Variants in RORA observed in about 807,000 individuals in gnomAD.
RORA encodes the protein RAR related orphan receptor A.
A neutral mutation model predicts 69.5 loss-of-function variants in RORA; 7 were observed. The ratio of observed to expected loss-of-function variants is 0.10; its 90% CI spans 0.06 to 0.19. RORA has a LOEUF of 0.19. Ranked by LOEUF, RORA falls within the 10% of genes least tolerant of loss-of-function variation. The probability of loss-of-function intolerance (pLI) is 1.00; values close to 1 mark genes in which losing one functional copy is unlikely to be tolerated. For synonymous variants in RORA, 261 were observed against 240.8 expected (o/e 1.08, Z -0.78); for missense variants, 457 against 663.0 (o/e 0.69, Z 3.41).
chr15:60,528,080 G>C (rs888618404), intron 3 of RORA: 2 of 152,358 alleles, frequency 1.3e-5, no homozygotes, highest in African/African-American at 4.8e-5. Flanking sequence ...TTTGAGACAG[G>C]GGTCTTGCTC....
intron 1 of RORA, among the ~76,000 whole-genome samples, chr15:60,779,394 A>T (rs553175442): frequency 3.9e-5 from 6 of 152,294 alleles, no homozygotes; most frequent in Admixed American, 3.3e-4. Context: ...TTAAATGCCC[A>T]GGGCAGTCTA....
intron 1 of RORA, among the ~76,000 whole-genome samples, chr15:60,685,500 G>T (rs1460842949): frequency 6.6e-6 from 1 of 152,170 alleles, no homozygotes; most frequent in East Asian, 1.9e-4. Context: ...GTTGTCCCAG[G>T]AGACTGCTCC....
intron 1 of RORA, among the ~76,000 whole-genome samples, chr15:60,877,518 A>T (rs530843221): frequency 6.6e-6 from 1 of 152,354 alleles, no homozygotes; most frequent in Non-Finnish European, 1.5e-5. Flanking sequence ...AAGATAACTT[A>T]ACTGATTTAG....
intron 1 of RORA, among the ~76,000 whole-genome samples, chr15:60,684,044 T>A (rs188271174): frequency 2.8e-4 from 43 of 152,270 alleles, no homozygotes; most frequent in African/African-American, 9.9e-4. Flanking sequence ...CTTCTAATTG[T>A]CTCTTGGTTT....
Position 60,516,087 on chromosome 15 carries a change from A to T in RORA, c.283-1330T>A, listed in dbSNP as rs867798920. Among the ~76,000 whole-genome samples, 5 of 64,598 alleles carry T rather than the reference A, an allele frequency of 7.7e-5. 1 individual carries two copies. Among genetic ancestry groups the T allele is most frequent in the African/African-American group, 2.3e-4 (4 of 17,518 alleles). The allele number at this position is 64,598 out of a possible 152,430, so 42.4% of individuals were successfully genotyped here. Reference sequence around the variant, plus strand: ...TATATTTATATATATTTATTTATATATATTTATATATATTTATATATTATA... The same window carrying T: ...TATATTTATATATATTTATTTATATTTATTTATATATATTTATATATTATA... On this transcript the variant is annotated intron_variant, in intron 3 of 10. Coordinates refer to ENST00000335670, the MANE Select transcript of RORA (RefSeq NM_134261.3).
intron 1 of RORA, among the ~76,000 whole-genome samples, chr15:60,801,318 C>A (rs2072578173): frequency 1.3e-5 from 2 of 152,226 alleles, no homozygotes; most frequent in Non-Finnish European, 2.9e-5. Flanking sequence ...ACCCTCCCTG[C>A]CCACAGGGCT....
intron 1 of RORA, among the ~76,000 whole-genome samples, chr15:60,799,389 C>G (rs895312009): frequency 5.3e-5 from 8 of 152,096 alleles, no homozygotes; most frequent in African/African-American, 1.9e-4. Context: ...AAGCAGTTTC[C>G]TTTTTATGGC....
intron 1 of RORA, among the ~76,000 whole-genome samples, chr15:60,809,621 C>T (rs2072712790): frequency 6.6e-6 from 1 of 152,136 alleles, no homozygotes; most frequent in Non-Finnish European, 1.5e-5. Flanking sequence ...ACTCCCACCC[C>T]CACCACACAC....
At chr15:61,072,127 A>G (rs1243519120) in intron 1 of RORA, among the ~76,000 whole-genome samples, 2 of 152,220 alleles carry the variant, frequency 1.3e-5, no homozygotes, top group Admixed American at 1.3e-4. Flanking sequence ...TGTGTTTACA[A>G]GAGCAAATTA....
rs548864002 is a variant in RORA, at chr15:61,180,769, AG to A, written c.166+48283del. The stretch of plus-strand genomic sequence containing the variant: ...TGCCCACTTTTGAGTTCCAGCACCT[AG>A]CACACTGCCAAACATGGCAGACACT... On this transcript the variant is annotated intron_variant, in intron 1 of 10. Transcript: ENST00000335670. Among the ~76,000 whole-genome samples the A allele has an allele frequency of 2.9e-3, 436 of 152,284 alleles. 3 individuals are homozygous for A. Among genetic ancestry groups the A allele is most frequent in the Admixed American group, 2.3e-3 (35 of 15,292 alleles).
chr15:60,658,087 C>CTT lies in RORA; in HGVS notation c.196+20568_196+20569dup, dbSNP rs57998167. 6.5e-3 allele frequency among the ~76,000 whole-genome samples: 947 copies of CTT among 146,266 alleles called. 40 individuals are homozygous for CTT. The East Asian group carries it at 0.084, about 13-fold the overall frequency. ...AGATTACATTTTTCTTTCTTTTTTT[C>CTT]TTTTTTTTTTGGAGATGGAGTCTTG... On this transcript the variant is annotated intron_variant, in intron 2 of 10. Transcript: ENST00000335670.
intron 1 of RORA, among the ~76,000 whole-genome samples, chr15:61,086,755 G>A (rs991001154): frequency 6.8e-4 from 104 of 151,974 alleles, no homozygotes; most frequent in African/African-American, 2.3e-3. Flanking sequence ...TTGGGGGCTA[G>A]CAAACTATGG....
At chr15:61,056,214 G>T (rs1369242640) in intron 1 of RORA, among the ~76,000 whole-genome samples, 3 of 152,280 alleles carry the variant, frequency 2.0e-5, no homozygotes, top group Non-Finnish European at 2.9e-5. Flanking sequence ...GAATTTGCTG[G>T]CTCCGACAGT....
chr15:60,826,261 A>G (rs936375529), intron 1 of RORA, among the ~76,000 whole-genome samples: 2 of 152,256 alleles, frequency 1.3e-5, no homozygotes, highest in South Asian at 4.1e-4. Context: ...AAAAAAGGAA[A>G]AAAGAAGAAA....
chr15:60,946,952 C>T (rs910640377), intron 1 of RORA, among the ~76,000 whole-genome samples: 4 of 151,482 alleles, frequency 2.6e-5, no homozygotes, highest in South Asian at 2.1e-4. Context: ...CGTCTCTGCC[C>T]CGCCGCCCTC....
At position 61,089,425 on chromosome 15, in the gene RORA, CACATGTGCACAT is replaced by C. The variant is rs2078672552; in HGVS notation, c.166+139616_166+139627del. On this transcript the variant is annotated intron_variant, in intron 1 of 10. Transcript: ENST00000335670. Reference sequence around the variant, plus strand: ...TTCTTGCATGAACAATACACATATACACATGTGCACATACATGCACACAAACATGCATATATA... The same window carrying C: ...TTCTTGCATGAACAATACACATATACACATGCACACAAACATGCATATATA... 2.6e-5 allele frequency among the ~76,000 whole-genome samples: 4 copies of C among 152,310 alleles called. 1 individual carries two copies. In the South Asian group the frequency reaches 8.3e-4, roughly 32 times the overall value.
intron 2 of RORA, among the ~76,000 whole-genome samples, chr15:60,633,263 G>T: frequency 6.6e-6 from 1 of 152,286 alleles, no homozygotes. Flanking sequence ...AGTAAAGGAA[G>T]GAGAAGGTGA....
chr15:61,158,825 C>T (rs557888860), intron 1 of RORA, among the ~76,000 whole-genome samples: 16 of 152,220 alleles, frequency 1.1e-4, no homozygotes, highest in Non-Finnish European at 1.8e-4. Context: ...TTCTGAAGCA[C>T]GTTCTATGGC....
Position 61,072,217 on chromosome 15 carries a change from T to C in RORA, c.166+156836A>G, listed in dbSNP as rs376281200. The stretch of plus-strand genomic sequence containing the variant: ...GTTACTAAAGAAAAGCCAAAACATT[T>C]CCTTTTTTTTTTCTTTTTATGAGAA... On this transcript the variant is annotated intron_variant, in intron 1 of 10. Coordinates refer to ENST00000335670, the MANE Select transcript of RORA (RefSeq NM_134261.3). Among the ~76,000 whole-genome samples, 29 of 152,222 alleles carry C rather than the reference T, an allele frequency of 1.9e-4. No individual in the cohort carries two copies. In the East Asian group the frequency reaches 5.4e-3, roughly 28 times the overall value.
Sources: gnomAD v4.1 joint callset for allele counts (sites outside exome capture counted in the v4.1 genomes callset) on GRCh38, gnomAD v4.1.1 for gene constraint, MANE v1.5 for transcripts, NCBI Gene and HGNC (gene_info 2026-07-23, HGNC 2026-07-21) for gene names.